The following RFX3 variants were observed in gnomAD, a reference collection of about 807,000 sequenced individuals.
The protein encoded by RFX3 is transcription factor RFX3.
Under a neutral mutation model 98.6 loss-of-function variants are expected in RFX3, and 14 were observed. The observed-to-expected ratio is 0.14, with a 90% CI of 0.09 to 0.22. The LOEUF is 0.22. Ranked by LOEUF, RFX3 falls within the 10% of genes least tolerant of loss-of-function variation. RFX3 has a pLI of 1.00. For synonymous variants in RFX3, 383 were observed against 328.4 expected, an observed-to-expected ratio of 1.17 and a Z score of -1.80; for missense variants, 639 against 926.9, an observed-to-expected ratio of 0.69 and a Z score of 4.03.
rs545677583 is a variant in RFX3 at position 3,304,976 on chromosome 9, C to A, written c.475-3356G>T. Reference sequence around the variant, plus strand: ...TGTAATGAAAACTGTGAACTCTCTACTTGGAAAAAATATATATAAGAACAC... The same window carrying A: ...TGTAATGAAAACTGTGAACTCTCTAATTGGAAAAAATATATATAAGAACAC... On this transcript the variant is annotated intron_variant, in intron 4 of 16. Transcript: ENST00000617270. Among the ~76,000 whole-genome samples the A allele has an allele frequency of 2.6e-5, 4 of 152,048 alleles. 1 individual carries two copies. The South Asian group carries it at 8.3e-4, about 31-fold the overall frequency.
chr9:3,224,519 A>G lies in RFX3; in HGVS notation c.*523T>C, dbSNP rs574877. ...TAAAAATGCTCTGTATTCTCTCTCC[A>G]TACTCAAAATGTTATCAAAATAGTG... On this transcript the variant is annotated 3_prime_UTR_variant, in exon 17 of 17. Coordinates refer to ENST00000617270, the MANE Select transcript of RFX3 (RefSeq NM_001282116.2). 146,803 of 154,970 alleles carry G rather than the reference A, an allele frequency of 0.95. 69,993 individuals are homozygous for G. Among genetic ancestry groups the G allele is most frequent in the East Asian group, 1 (5,230 of 5,230 alleles). The allele number at this position is 154,970 out of a possible 1,614,324, so 9.6% of individuals were successfully genotyped here.
chr9:3,253,770 A>G (rs1423908715), intron 14 of RFX3, among the ~76,000 whole-genome samples: 1 of 152,216 alleles, frequency 6.6e-6, no homozygotes, highest in African/African-American at 2.4e-5. Context: ...GGGCCTGTGT[A>G]TGTGACTGCC....
intron 2 of RFX3, among the ~76,000 whole-genome samples, chr9:3,386,550 T>C (rs1406175370): frequency 6.6e-6 from 1 of 151,998 alleles, no homozygotes; most frequent in Non-Finnish European, 1.5e-5. Context: ...CTTCCAACAA[T>C]AAAGCCCACT....
intron 1 of RFX3, among the ~76,000 whole-genome samples, chr9:3,458,616 G>C (rs182680461): frequency 1.1e-3 from 168 of 152,210 alleles, no homozygotes; most frequent in African/African-American, 3.8e-3. Flanking sequence ...AGGTGACAAA[G>C]GTTTTAAAGT....
At chr9:3,361,078 A>T (rs1340092239) in intron 2 of RFX3, among the ~76,000 whole-genome samples, 2 of 152,232 alleles carry the variant, frequency 1.3e-5, no homozygotes, top group Admixed American at 1.3e-4. Flanking sequence ...TCATTTTAAT[A>T]GACCTACAAG....
At chr9:3,465,386 G>T (rs148478189) in intron 1 of RFX3, among the ~76,000 whole-genome samples, 3,216 of 150,988 alleles carry the variant, frequency 0.021, 126 homozygotes, top group African/African-American at 0.074. Context: ...CACCTCCTGA[G>T]TTCAAGTGAT....
intron 3 of RFX3, chr9:3,344,798 G>T (rs751333878): frequency 2.8e-6 from 2 of 704,718 alleles, no homozygotes; most frequent in African/African-American, 1.8e-5. Flanking sequence ...AGTGGCAGGC[G>T]TCTTTTTCAT....
intron 6 of RFX3, among the ~76,000 whole-genome samples, chr9:3,292,704 C>A (rs959113569): frequency 1.3e-5 from 2 of 151,280 alleles, no homozygotes; most frequent in African/African-American, 4.9e-5. Context: ...AACTCATCAT[C>A]ATTAGTATGA....
In RFX3 at chr9:3,494,153, G is replaced by GA. The variant is rs555459427; in HGVS notation, c.-9+31593dup. Reference sequence around the variant, plus strand: ...ATTAATCTTGTTAGAAGACACTATAGAAAAAAAGACTGGTAAAGTGGCTCT... The same window carrying GA: ...ATTAATCTTGTTAGAAGACACTATAGAAAAAAAAGACTGGTAAAGTGGCTCT... On this transcript the variant is annotated intron_variant, in intron 1 of 16. Coordinates refer to ENST00000617270, the MANE Select transcript of RFX3 (RefSeq NM_001282116.2). Among the ~76,000 whole-genome samples, 389 of 152,146 alleles carry GA rather than the reference G, an allele frequency of 2.6e-3. 3 individuals are homozygous for GA. The highest frequency in any genetic ancestry group is 8.8e-3 in the African/African-American group (367 of 41,500).
chr9:3,373,854 A>G (rs531632686), intron 2 of RFX3, among the ~76,000 whole-genome samples: 3 of 152,302 alleles, frequency 2.0e-5, no homozygotes, highest in Non-Finnish European at 4.4e-5. Context: ...AGAGGCAGGC[A>G]GATCACGAAG....
At chr9:3,308,437 T>C (rs1234079049) in intron 4 of RFX3, among the ~76,000 whole-genome samples, 1 of 152,168 alleles carries the variant, frequency 6.6e-6, no homozygotes, top group Non-Finnish European at 1.5e-5. Context: ...GTGGCTGGTC[T>C]CTGGGGCAGA....
chr9:3,236,156 G>T (rs1455947168), intron 15 of RFX3, among the ~76,000 whole-genome samples: 1 of 152,062 alleles, frequency 6.6e-6, no homozygotes, highest in Admixed American at 6.5e-5. Flanking sequence ...TGATATATTT[G>T]CCACTAGTAC....
intron 16 of RFX3, among the ~76,000 whole-genome samples, chr9:3,228,515 T>C (rs1217088535): frequency 6.6e-6 from 1 of 152,202 alleles, no homozygotes; most frequent in African/African-American, 2.4e-5. Flanking sequence ...TGAATAAAAA[T>C]GTCTCATCCA....
At chr9:3,429,834 T>C (rs1844485313) in intron 1 of RFX3, among the ~76,000 whole-genome samples, 1 of 152,192 alleles carries the variant, frequency 6.6e-6, no homozygotes, top group African/African-American at 2.4e-5. Context: ...ATGGACTTGA[T>C]ATCTCCCTAT....
At chr9:3,447,985 G>T (rs1232624364) in intron 1 of RFX3, among the ~76,000 whole-genome samples, 1 of 152,094 alleles carries the variant, frequency 6.6e-6, no homozygotes, top group African/African-American at 2.4e-5. Context: ...CCAATGGGAA[G>T]ACAAGGAATC....
chr9:3,259,566 A>C (rs1020043272), intron 13 of RFX3, among the ~76,000 whole-genome samples: 3 of 151,916 alleles, frequency 2.0e-5, no homozygotes, highest in Non-Finnish European at 2.9e-5. Context: ...AATGCCTTTT[A>C]AATACAGAAA....
intron 15 of RFX3, among the ~76,000 whole-genome samples, chr9:3,232,398 A>G (rs1818589798): frequency 6.6e-6 from 1 of 152,134 alleles, no homozygotes; most frequent in South Asian, 2.1e-4. Context: ...TGTCACTCTC[A>G]GTCACCGCAT....
At chr9:3,342,899 G>A (rs761203513) in intron 3 of RFX3, among the ~76,000 whole-genome samples, 2 of 152,160 alleles carry the variant, frequency 1.3e-5, no homozygotes, top group Non-Finnish European at 2.9e-5. Flanking sequence ...CAGAAGCAAG[G>A]ATAAAATAAA....
intron 2 of RFX3, among the ~76,000 whole-genome samples, chr9:3,393,965 G>C (rs10971734): frequency 0.31 from 46,464 of 151,910 alleles, 8,201 homozygotes; most frequent in East Asian, 0.6. Context: ...GCATATGTAT[G>C]CTCTGGATCT....
Sources: gnomAD v4.1 joint callset for allele counts (sites outside exome capture counted in the v4.1 genomes callset) on GRCh38, gnomAD v4.1.1 for gene constraint, MANE v1.5 for transcripts, NCBI Gene and HGNC (gene_info 2026-07-23, HGNC 2026-07-21) for gene names.